The following SLC8A1 variants were observed in gnomAD, a reference collection of about 807,000 sequenced individuals.
SLC8A1 encodes solute carrier family 8 member A1, also known as sodium/calcium exchanger 1.
Under a neutral mutation model 68.3 loss-of-function variants are expected in SLC8A1, and 18 were observed. That is an observed-to-expected ratio of 0.26 (90% CI 0.18 to 0.39). The LOEUF is 0.39. Ranked by LOEUF, SLC8A1 falls within the 10% of genes least tolerant of loss-of-function variation. The pLI, the probability that SLC8A1 is intolerant of heterozygous loss-of-function variation, is 1.00. For synonymous variants in SLC8A1, 475 were observed against 415.5 expected, an observed-to-expected ratio of 1.14 and a Z score of -1.74; for missense variants, 985 against 1,156.7, an observed-to-expected ratio of 0.85 and a Z score of 2.15.
intron 2 of SLC8A1, among the ~76,000 whole-genome samples, chr2:40,427,171 C>T (rs1240563248): frequency 3.9e-5 from 6 of 152,080 alleles, no homozygotes; most frequent in South Asian, 4.2e-4. Context: ...ATATTGTACT[C>T]GACACTACTT....
intron 7 of SLC8A1, chr2:40,123,177 A>C (rs2037300285): frequency 6.6e-6 from 1 of 152,246 alleles, no homozygotes; most frequent in Admixed American, 6.5e-5. Context: ...GGGTGCTGAC[A>C]AGGTCTAGAT....
intron 1 of SLC8A1, among the ~76,000 whole-genome samples, chr2:40,505,288 G>A (rs1044611881): frequency 1.3e-5 from 2 of 151,806 alleles, no homozygotes; most frequent in Admixed American, 1.3e-4. Flanking sequence ...GCACATCAGG[G>A]TGACTGTAGT....
At chr2:40,302,059 G>C (rs1449057927) in intron 2 of SLC8A1, among the ~76,000 whole-genome samples, 1 of 150,380 alleles carries the variant, frequency 6.6e-6, no homozygotes, top group Non-Finnish European at 1.5e-5. Flanking sequence ...GTGTGTGTGT[G>C]TGTGTGTGTG....
chr2:40,466,223 C>A (rs1357151221), intron 1 of SLC8A1, among the ~76,000 whole-genome samples: 3 of 152,062 alleles, frequency 2.0e-5, no homozygotes, highest in Non-Finnish European at 4.4e-5. Flanking sequence ...TCCACTGTGG[C>A]AAGGGCAGGG....
intron 2 of SLC8A1, among the ~76,000 whole-genome samples, chr2:40,396,748 T>TAAAAAAAAAAAAAAAAAAAAAAA (rs368483768): frequency 9.2e-5 from 8 of 87,082 alleles, no homozygotes; most frequent in African/African-American, 1.9e-4. Flanking sequence ...CTCTAATAAC[T>TAAAAAAAAAAAAAAAAAAAAAAA]AAAAAAAAAA....
intron 1 of SLC8A1, among the ~76,000 whole-genome samples, chr2:40,481,463 A>T (rs1409134700): frequency 6.6e-6 from 1 of 152,216 alleles, no homozygotes; most frequent in Middle Eastern, 3.2e-3. Context: ...GTTTATAAAA[A>T]TAAGAGTGTC....
intron 4 of SLC8A1, among the ~76,000 whole-genome samples, chr2:40,170,835 T>C (rs960248106): frequency 3.9e-5 from 6 of 152,218 alleles, no homozygotes; most frequent in Non-Finnish European, 7.3e-5. Context: ...GCCAACAATA[T>C]AGCCTTGTGT....
chr2:40,139,485 G>C (rs769354982), exon 7 of SLC8A1: 5 of 1,614,190 alleles, frequency 3.1e-6, no homozygotes, highest in Non-Finnish European at 4.2e-6. Context: ...TGGGAAGCCA[G>C]GTCTCCAATG....
intron 1 of SLC8A1, among the ~76,000 whole-genome samples, chr2:40,509,736 CA>C (rs1221288933): frequency 6.6e-6 from 1 of 152,102 alleles, no homozygotes; most frequent in Non-Finnish European, 1.5e-5. Flanking sequence ...GGAATTATTT[CA>C]AATTTTTTCA....
At chr2:40,247,039 A>G (rs1195882725) in intron 2 of SLC8A1, among the ~76,000 whole-genome samples, 1 of 152,202 alleles carries the variant, frequency 6.6e-6, no homozygotes, top group Non-Finnish European at 1.5e-5. Flanking sequence ...TAGCCATTTT[A>G]GTGTGAAATC....
chr2:40,289,788 G>A (rs941907121), intron 2 of SLC8A1, among the ~76,000 whole-genome samples: 11 of 152,016 alleles, frequency 7.2e-5, no homozygotes, highest in African/African-American at 2.7e-4. Context: ...TTGAACTTAG[G>A]AGGTGGAGGT....
chr2:40,436,408 A>G (rs945801404), intron 1 of SLC8A1, among the ~76,000 whole-genome samples: 2 of 152,276 alleles, frequency 1.3e-5, no homozygotes, highest in Non-Finnish European at 2.9e-5. Flanking sequence ...ATCAGATTGT[A>G]AAGTCAATGT....
chr2:40,343,519 GC>G (rs1668346371), intron 2 of SLC8A1, among the ~76,000 whole-genome samples: 1 of 152,134 alleles, frequency 6.6e-6, no homozygotes, highest in African/African-American at 2.4e-5. Flanking sequence ...ACTTAAAAGT[GC>G]CAACCTATTG....
chr2:40,170,758 G>T (rs934076993), intron 4 of SLC8A1, among the ~76,000 whole-genome samples: 1 of 152,208 alleles, frequency 6.6e-6, no homozygotes, highest in East Asian at 1.9e-4. Flanking sequence ...TGACTGAATT[G>T]AAGTAATAAT....
At chr2:40,436,282 C>T (rs1287112937) in intron 1 of SLC8A1, among the ~76,000 whole-genome samples, 1 of 152,128 alleles carries the variant, frequency 6.6e-6, no homozygotes, top group African/African-American at 2.4e-5. Context: ...GGGTCACGTG[C>T]TGATTCACCA....
At chr2:40,260,856 C>T (rs1423815550) in intron 2 of SLC8A1, among the ~76,000 whole-genome samples, 9 of 151,758 alleles carry the variant, frequency 5.9e-5, no homozygotes, top group Admixed American at 2.6e-4. Flanking sequence ...CCTCATAGTC[C>T]GACCTAAGAG....
At chr2:40,440,558 G>A (rs1054275764) in intron 1 of SLC8A1, among the ~76,000 whole-genome samples, 1 of 151,962 alleles carries the variant, frequency 6.6e-6, no homozygotes, top group Non-Finnish European at 1.5e-5. Context: ...ATAGACAGAC[G>A]TAATCTCTCT....
exon 8 of SLC8A1, chr2:40,099,017 G>A (rs1400259671): frequency 6.6e-6 from 1 of 151,946 alleles, no homozygotes; most frequent in Admixed American, 6.6e-5. Flanking sequence ...AAATACCACA[G>A]ATATAAAAAT....
intron 2 of SLC8A1, among the ~76,000 whole-genome samples, chr2:40,369,269 A>C (rs139336237): frequency 2.0e-4 from 30 of 152,178 alleles, no homozygotes; most frequent in African/African-American, 6.3e-4. Flanking sequence ...AATAGGAGAA[A>C]ATTTTTGCAA....
Sources: allele counts gnomAD v4.1 joint callset (sites outside exome capture counted in the v4.1 genomes callset), GRCh38; gene constraint gnomAD v4.1.1; transcripts MANE v1.5; gene names NCBI Gene and HGNC (gene_info 2026-07-23, HGNC 2026-07-21).